The following CTNNA2 variants were observed in gnomAD, a reference collection of about 807,000 sequenced individuals.
The protein encoded by CTNNA2 is catenin alpha 2.
CTNNA2 carries 42 observed loss-of-function variants against 101.0 expected under a neutral mutation model. The ratio of observed to expected loss-of-function variants is 0.42; its 90% CI spans 0.32 to 0.54. CTNNA2 has a LOEUF of 0.54. CTNNA2 is among the 20% of genes least tolerant of loss of function. CTNNA2 has a pLI of 0.14. For synonymous variants in CTNNA2, 450 were observed against 456.4 expected, an observed-to-expected ratio of 0.99 and a Z score of 0.18; for missense variants, 871 against 1,223.1, an observed-to-expected ratio of 0.71 and a Z score of 4.29.
At chr2:79,755,452 G>A (rs1672334026) in intron 3 of CTNNA2, among the ~76,000 whole-genome samples, 1 of 152,182 alleles carries the variant, frequency 6.6e-6, no homozygotes, top group Admixed American at 6.5e-5. Context: ...ATCTGATGGT[G>A]CTCCACTATG....
At chr2:80,412,795 T>C (rs1403948235) in intron 8 of CTNNA2, among the ~76,000 whole-genome samples, 1 of 152,056 alleles carries the variant, frequency 6.6e-6, no homozygotes, top group African/African-American at 2.4e-5. Flanking sequence ...TCAGTCATGG[T>C]CAATAGGTTC....
At chr2:79,837,436 G>A (rs1679461072) in intron 3 of CTNNA2, among the ~76,000 whole-genome samples, 1 of 152,018 alleles carries the variant, frequency 6.6e-6, no homozygotes, top group African/African-American at 2.4e-5. Context: ...AATCTCCTTT[G>A]GCATCACCCT....
intron 7 of CTNNA2, among the ~76,000 whole-genome samples, chr2:80,322,043 G>A (rs1573712260): frequency 6.6e-6 from 1 of 152,240 alleles, no homozygotes; most frequent in Admixed American, 6.5e-5. Flanking sequence ...TTAAATGTGG[G>A]TGTATTTTTT....
intron 1 of CTNNA2, among the ~76,000 whole-genome samples, chr2:79,193,810 G>A (rs1017425592): frequency 2.6e-5 from 4 of 152,126 alleles, no homozygotes; most frequent in African/African-American, 9.7e-5. Context: ...ATTTATTGAT[G>A]GAAATTATAT....
At chr2:80,367,480 T>C (rs1822727) in intron 7 of CTNNA2, among the ~76,000 whole-genome samples, 19,711 of 152,106 alleles carry the variant, frequency 0.13, 2,650 homozygotes, top group African/African-American at 0.34. Flanking sequence ...TAATGATAAC[T>C]GTTATTATTA....
intron 9 of CTNNA2, among the ~76,000 whole-genome samples, chr2:80,535,001 G>T (rs976383728): frequency 2.6e-5 from 4 of 152,174 alleles, no homozygotes; most frequent in Non-Finnish European, 5.9e-5. Flanking sequence ...TTGGTTAGAA[G>T]TGTATATAAA....
chr2:80,285,913 T>G (rs903165717), intron 7 of CTNNA2, among the ~76,000 whole-genome samples: 5 of 152,170 alleles, frequency 3.3e-5, no homozygotes, highest in African/African-American at 1.2e-4. Flanking sequence ...GCCTTTTTAT[T>G]TTTTCTTTTC....
Position 79,909,667 on chromosome 2 carries a change from G to A in CTNNA2, c.926G>A (p.Ser309Asn). ...FRPSLEERLE[S>N]IISGAALMAD... ...CCGTCCCTGGAGGAGAGGCTGGAGA[G>A]CATCATCAGCGGCGCAGCGCTGATG... Residue 309 changes from serine (S) to asparagine (N), a missense_variant, in exon 7 of 19, where the codon AGC becomes AAC. By Grantham distance (46) the Ser-to-Asn change is conservative. Around this residue, in one of 5 missense-constraint regions of CTNNA2, gnomAD observed 647 missense variants for 831.5 expected, o/e 0.78. Coordinates refer to ENST00000402739, the MANE Select transcript of CTNNA2 (RefSeq NM_001282597.3). The A allele has an allele frequency of 4.3e-6, 7 of 1,613,786 alleles. No homozygotes were observed. The highest frequency in any genetic ancestry group is 5.9e-6 in the Non-Finnish European group (7 of 1,179,764).
chr2:79,294,189 G>GAA (rs2104384208), intron 2 of CTNNA2, among the ~76,000 whole-genome samples: 1 of 147,524 alleles, frequency 6.8e-6, no homozygotes, highest in South Asian at 2.2e-4. Context: ...GAGAGAGAAA[G>GAA]AGAGAGAGAG....
chr2:79,870,916 A>G (rs1682539296), intron 5 of CTNNA2, among the ~76,000 whole-genome samples: 1 of 152,088 alleles, frequency 6.6e-6, no homozygotes, highest in Non-Finnish European at 1.5e-5. Context: ...TCAAGATGAG[A>G]TTTGGGTGGG....
intron 7 of CTNNA2, among the ~76,000 whole-genome samples, chr2:80,049,942 A>T (rs1437789450): frequency 1.3e-5 from 2 of 152,110 alleles, no homozygotes; most frequent in Non-Finnish European, 2.9e-5. Context: ...CAACCTGCTG[A>T]GGGGTTTTGG....
At chr2:79,415,021 C>T (rs56919886) in intron 4 of CTNNA2, among the ~76,000 whole-genome samples, 7,206 of 152,226 alleles carry the variant, frequency 0.047, 395 homozygotes, top group African/African-American at 0.14. Flanking sequence ...ACTGATATAA[C>T]TTACTTTCAA....
intron 4 of CTNNA2, among the ~76,000 whole-genome samples, chr2:79,452,262 G>A (rs1267037934): frequency 2.0e-5 from 3 of 151,908 alleles, no homozygotes; most frequent in Non-Finnish European, 2.9e-5. Context: ...AGTGCCTAAC[G>A]TGTATCCAGC....
At chr2:79,872,021 C>T (rs1682622416) in intron 5 of CTNNA2, among the ~76,000 whole-genome samples, 1 of 152,124 alleles carries the variant, frequency 6.6e-6, no homozygotes, top group Non-Finnish European at 1.5e-5. Context: ...ACACATAATA[C>T]CCTACCACCC....
chr2:79,786,459 A>C (rs1219953244), intron 3 of CTNNA2, among the ~76,000 whole-genome samples: 4 of 151,906 alleles, frequency 2.6e-5, no homozygotes, highest in African/African-American at 9.7e-5. Flanking sequence ...TCTTATTTTT[A>C]CCTCAAGAAT....
At chr2:79,607,362 G>A (rs1006646730) in intron 1 of CTNNA2, among the ~76,000 whole-genome samples, 4 of 152,116 alleles carry the variant, frequency 2.6e-5, no homozygotes, top group African/African-American at 7.2e-5. Context: ...GAAAATCAGC[G>A]GGGACATAGA....
At chr2:80,327,542 G>A (rs1573729096) in intron 7 of CTNNA2, among the ~76,000 whole-genome samples, 2 of 151,216 alleles carry the variant, frequency 1.3e-5, no homozygotes, top group African/African-American at 4.9e-5. Context: ...AAAAAAAAAA[G>A]CAAAGTTGGC....
intron 2 of CTNNA2, among the ~76,000 whole-genome samples, chr2:79,675,555 G>C (rs745517349): frequency 2.6e-5 from 4 of 152,040 alleles, no homozygotes; most frequent in African/African-American, 9.7e-5. Context: ...TGCACAGAAC[G>C]CAGTTTTAAC....
Position 79,558,388 on chromosome 2 carries a change from A to G in CTNNA2, c.-6+45181A>G, listed in dbSNP as rs140538269. Among the ~76,000 whole-genome samples the G allele has an allele frequency of 4.6e-3, 701 of 152,078 alleles. 3 individuals are homozygous for G. The highest frequency in any genetic ancestry group is 0.015 in the African/African-American group (634 of 41,554). On this transcript the variant is annotated intron_variant, in intron 1 of 18. Transcript: ENST00000402739. ...ATAGGTACCAAAATTCAGGTTTTAC[A>G]AAAGTATTCATTATTTGTCACTCTA...
Sources: gnomAD v4.1 joint callset for allele counts (sites outside exome capture counted in the v4.1 genomes callset) on GRCh38, gnomAD v4.1.1 for gene constraint, gnomAD v4.1.1 regional missense constraint, MANE v1.5 for transcripts, NCBI Gene and HGNC (gene_info 2026-07-23, HGNC 2026-07-21) for gene names.